CDH4: variants seen among roughly 807,000 people sequenced by gnomAD.
The protein encoded by CDH4 is cadherin 4.
A neutral mutation model predicts 86.0 loss-of-function variants in CDH4; 33 were observed. That is an observed-to-expected ratio of 0.38 (90% CI 0.29 to 0.51). CDH4 has a LOEUF of 0.51. Ranked by LOEUF, CDH4 falls within the 20% of genes least tolerant of loss-of-function variation. The probability of loss-of-function intolerance (pLI) is 0.86; values close to 1 mark genes in which losing one functional copy is unlikely to be tolerated. For synonymous variants in CDH4, 555 were observed against 549.4 expected, an observed-to-expected ratio of 1.01 and a Z score of -0.14; for missense variants, 1,114 against 1,307.4, an observed-to-expected ratio of 0.85 and a Z score of 2.28.
intron 3 of CDH4, among the ~76,000 whole-genome samples, chr20:61,757,305 C>A (rs974057211): frequency 6.6e-6 from 1 of 152,194 alleles, no homozygotes; most frequent in Non-Finnish European, 1.5e-5. Flanking sequence ...GTTTCATGGC[C>A]GTCCAATGCA....
At chr20:61,326,972 G>A (rs1020488728) in intron 2 of CDH4, among the ~76,000 whole-genome samples, 14 of 152,100 alleles carry the variant, frequency 9.2e-5, no homozygotes, top group African/African-American at 3.4e-4. Context: ...CTGCTTGTCA[G>A]GTGCATTTTT....
chr20:61,689,772 C>A (rs911897005), intron 2 of CDH4, among the ~76,000 whole-genome samples: 3 of 148,466 alleles, frequency 2.0e-5, no homozygotes, highest in Non-Finnish European at 4.5e-5. Context: ...TGGGCTGGGA[C>A]ATTGTTTGGT....
At chr20:61,404,014 T>G (rs1220931242) in intron 2 of CDH4, among the ~76,000 whole-genome samples, 1 of 152,210 alleles carries the variant, frequency 6.6e-6, no homozygotes, top group Non-Finnish European at 1.5e-5. Flanking sequence ...ACAACCTCAG[T>G]TAAGTCCTAA....
chr20:61,660,289 C>T (rs372538277), intron 2 of CDH4, among the ~76,000 whole-genome samples: 38 of 152,324 alleles, frequency 2.5e-4, no homozygotes, highest in Middle Eastern at 3.4e-3. Flanking sequence ...ACAACAGAAA[C>T]GCCCGCAAGG....
chr20:61,502,102 T>C (rs1203895772), intron 2 of CDH4, among the ~76,000 whole-genome samples: 1 of 147,690 alleles, frequency 6.8e-6, no homozygotes, highest in Non-Finnish European at 1.5e-5. Flanking sequence ...AGGGGTGGGA[T>C]GAGATAGCTA....
intron 8 of CDH4, among the ~76,000 whole-genome samples, chr20:61,903,951 C>T (rs568388844): frequency 6.6e-6 from 1 of 152,358 alleles, no homozygotes; most frequent in East Asian, 1.9e-4. Flanking sequence ...CCGCAAGCTT[C>T]TCCTCTCTGC....
chr20:61,462,110 A>G (rs1033876302), intron 2 of CDH4, among the ~76,000 whole-genome samples: 4 of 152,246 alleles, frequency 2.6e-5, no homozygotes, highest in African/African-American at 7.2e-5. Context: ...AAATTAACCC[A>G]GGACTGGAAG....
chr20:61,413,594 A>T (rs1311706084), intron 2 of CDH4, among the ~76,000 whole-genome samples: 1 of 152,148 alleles, frequency 6.6e-6, no homozygotes, highest in Non-Finnish European at 1.5e-5. Flanking sequence ...GCCCTGTGCG[A>T]TGGCTGTTAC....
chr20:61,507,151 A>G (rs1463356018), intron 2 of CDH4, among the ~76,000 whole-genome samples: 1 of 152,252 alleles, frequency 6.6e-6, no homozygotes, highest in East Asian at 1.9e-4. Flanking sequence ...ACAACTAAAA[A>G]TAAATACAAA....
intron 3 of CDH4, among the ~76,000 whole-genome samples, chr20:61,769,163 C>T (rs905330585): frequency 1.3e-5 from 2 of 152,206 alleles, no homozygotes; most frequent in Non-Finnish European, 1.5e-5. Context: ...AATAATGCTC[C>T]ACCACCCTTC....
At chr20:61,750,725 TG>T (rs1387931834) in intron 3 of CDH4, among the ~76,000 whole-genome samples, 2 of 152,188 alleles carry the variant, frequency 1.3e-5, no homozygotes, top group Non-Finnish European at 2.9e-5. Context: ...TGATTATGAA[TG>T]TTAGAAAATG....
At chr20:61,877,939 A>G (rs1984111186) in intron 7 of CDH4, among the ~76,000 whole-genome samples, 1 of 152,124 alleles carries the variant, frequency 6.6e-6, no homozygotes, top group Non-Finnish European at 1.5e-5. Context: ...GATGAGGTGT[A>G]ACCCAAATGA....
intron 2 of CDH4, among the ~76,000 whole-genome samples, chr20:61,739,322 C>T (rs930614895): frequency 1.3e-5 from 2 of 152,182 alleles, no homozygotes; most frequent in Non-Finnish European, 2.9e-5. Flanking sequence ...AGCCCCGGAC[C>T]AGCCTGGGGA....
chr20:61,465,874 T>C (rs1026178618), intron 2 of CDH4, among the ~76,000 whole-genome samples: 2 of 151,968 alleles, frequency 1.3e-5, no homozygotes, highest in Non-Finnish European at 2.9e-5. Context: ...TCTTTTTTTT[T>C]TTTTGCAGGG....
chr20:61,292,087 T>C (rs997676826), intron 2 of CDH4, among the ~76,000 whole-genome samples: 6 of 152,132 alleles, frequency 3.9e-5, no homozygotes, highest in African/African-American at 1.4e-4. Flanking sequence ...ATTCCTCAAA[T>C]AGCTCAAAGC....
At chr20:61,473,774 G>GACAC (rs968141429) in intron 2 of CDH4, among the ~76,000 whole-genome samples, 2 of 151,616 alleles carry the variant, frequency 1.3e-5, no homozygotes, top group Non-Finnish European at 2.9e-5. Context: ...GACACACAAA[G>GACAC]ACACACACAC....
At chr20:61,678,833 T>C (rs2087474930) in intron 2 of CDH4, among the ~76,000 whole-genome samples, 1 of 152,218 alleles carries the variant, frequency 6.6e-6, no homozygotes, top group African/African-American at 2.4e-5. Flanking sequence ...CTGTTTCTTA[T>C]GAGGATGCTC....
chr20:61,662,317 G>A (rs1303292676), intron 2 of CDH4, among the ~76,000 whole-genome samples: 5 of 152,240 alleles, frequency 3.3e-5, no homozygotes, highest in East Asian at 3.9e-4. Context: ...TGGAGCCATC[G>A]CTGGCTTCCT....
intron 3 of CDH4, among the ~76,000 whole-genome samples, chr20:61,750,891 G>A (rs554279039): frequency 9.2e-5 from 14 of 152,178 alleles, no homozygotes; most frequent in East Asian, 3.9e-4. Context: ...CATTAAAAAC[G>A]ATCATATAAC....
Sources: gnomAD v4.1 joint callset for allele counts (sites outside exome capture counted in the v4.1 genomes callset) on GRCh38, gnomAD v4.1.1 for gene constraint, MANE v1.5 for transcripts, NCBI Gene and HGNC (gene_info 2026-07-23, HGNC 2026-07-21) for gene names.